The following DISC1 variants were observed in gnomAD, a reference collection of about 807,000 sequenced individuals.
DISC1 encodes the protein DISC1 scaffold protein.
In DISC1, 57 loss-of-function variants were observed where a neutral mutation model predicts 84.5. The ratio of observed to expected loss-of-function variants is 0.67; its 90% CI spans 0.55 to 0.84. The LOEUF (loss-of-function observed/expected upper bound fraction) is 0.84. DISC1 is among the 40% of genes least tolerant of loss of function. The pLI is 0.00. For missense variants in DISC1, 1,000 were observed against 1,057.8 expected (o/e 0.95, Z 0.76); for synonymous variants, 411 against 415.2 (o/e 0.99, Z 0.12).
intron 9 of DISC1, among the ~76,000 whole-genome samples, chr1:231,929,189 C>G (rs2090511874): frequency 6.6e-6 from 1 of 152,062 alleles, no homozygotes; most frequent in Non-Finnish European, 1.5e-5. Context: ...TGTGTGGGAG[C>G]CTAAGTCTCT....
chr1:231,661,141 G>A lies in DISC1; in HGVS notation c.68-32685G>A, dbSNP rs118005203. Among the ~76,000 whole-genome samples, 15 of 152,110 alleles carry A rather than the reference G, an allele frequency of 9.9e-5. No individual in the cohort carries two copies. In the East Asian group the frequency reaches 2.9e-3, roughly 29 times the overall value. On this transcript the variant is annotated intron_variant, in intron 1 of 12. Transcript: ENST00000439617. ...TTAGTCTGATTGGCTTCCCGTTGTAGGTGACCTGGCCTTTCTTTCTGGCTG... is the reference window on the plus strand; with the variant it reads ...TTAGTCTGATTGGCTTCCCGTTGTAAGTGACCTGGCCTTTCTTTCTGGCTG...
intron 6 of DISC1, chr1:231,771,679 T>C (rs1202559543): frequency 1.4e-6 from 1 of 701,742 alleles, no homozygotes; most frequent in African/African-American, 1.9e-5. Flanking sequence ...AGAAAACTGA[T>C]ATTTACACTC....
chr1:231,823,789 G>GA (rs1392189867), intron 9 of DISC1, among the ~76,000 whole-genome samples: 11 of 152,156 alleles, frequency 7.2e-5, no homozygotes, highest in African/African-American at 2.6e-4. Context: ...CTACCTCTAG[G>GA]AAAAAAACAT....
chr1:231,941,533 C>T (rs541469462), intron 9 of DISC1, among the ~76,000 whole-genome samples: 15 of 151,226 alleles, frequency 9.9e-5, no homozygotes, highest in South Asian at 4.2e-4. Flanking sequence ...AGTGCAGTGG[C>T]GCAATCTCAG....
chr1:231,646,129 A>T (rs2060112472), intron 1 of DISC1, among the ~76,000 whole-genome samples: 2 of 148,864 alleles, frequency 1.3e-5, no homozygotes, highest in East Asian at 2.0e-4. Flanking sequence ...CATTAGGTAT[A>T]TCTCCTAATG....
At chr1:231,709,376 C>T (rs1211180952) in intron 3 of DISC1, among the ~76,000 whole-genome samples, 1 of 152,060 alleles carries the variant, frequency 6.6e-6, no homozygotes, top group Non-Finnish European at 1.5e-5. Flanking sequence ...GCCTTTTCTC[C>T]TTGGCTTTGC....
Position 231,988,838 on chromosome 1 carries a change from C to T in DISC1, c.2043-19947C>T, listed in dbSNP as rs147909818. Among the ~76,000 whole-genome samples, 801 of 152,312 alleles carry T rather than the reference C, an allele frequency of 5.3e-3. 13 individuals carry two copies. Among genetic ancestry groups the T allele is most frequent in the African/African-American group, 0.018 (748 of 41,560 alleles). The stretch of plus-strand genomic sequence containing the variant: ...TATATAATTTCAATGGTGCAAGTTC[C>T]GTGGACTTCAATGACACTTCCATTC... On this transcript the variant is annotated intron_variant, in intron 10 of 12. Transcript: ENST00000439617.
chr1:231,833,385 G>A (rs1362356319), intron 9 of DISC1, among the ~76,000 whole-genome samples: 2 of 151,534 alleles, frequency 1.3e-5, no homozygotes, highest in South Asian at 2.1e-4. Context: ...GAAGGGGAAG[G>A]ACTTACCCTC....
chr1:231,888,419 G>A (rs201583700), intron 9 of DISC1, among the ~76,000 whole-genome samples: 8 of 152,028 alleles, frequency 5.3e-5, no homozygotes, highest in Non-Finnish European at 1.0e-4. Flanking sequence ...CCTGTCTCAT[G>A]AGAAGATGAT....
At chr1:231,914,317 C>G (rs2089464425) in intron 9 of DISC1, among the ~76,000 whole-genome samples, 1 of 152,198 alleles carries the variant, frequency 6.6e-6, no homozygotes, top group Non-Finnish European at 1.5e-5. Context: ...CCCTGGAAAC[C>G]CTGTCTGCAA....
intron 9 of DISC1, among the ~76,000 whole-genome samples, chr1:231,828,923 T>C (rs1204035516): frequency 2.0e-5 from 3 of 152,130 alleles, no homozygotes; most frequent in Admixed American, 6.5e-5. Flanking sequence ...TTTCTGTATA[T>C]GGGAAGTAAA....
chr1:231,900,855 C>T (rs1377990519), intron 9 of DISC1, among the ~76,000 whole-genome samples: 1 of 152,158 alleles, frequency 6.6e-6, no homozygotes, highest in Non-Finnish European at 1.5e-5. Flanking sequence ...AAAGCGTATA[C>T]ATTACAGGGT....
chr1:231,663,103 G>A (rs905635299), intron 1 of DISC1, among the ~76,000 whole-genome samples: 11 of 151,620 alleles, frequency 7.3e-5, no homozygotes, highest in African/African-American at 2.7e-4. Flanking sequence ...ACCCACTTTA[G>A]ATCTAAAGGT....
chr1:231,764,152 A>T (rs2075990724), intron 4 of DISC1, among the ~76,000 whole-genome samples: 1 of 152,172 alleles, frequency 6.6e-6, no homozygotes, highest in Non-Finnish European at 1.5e-5. Flanking sequence ...CCTTTTTAGG[A>T]TGCTGAGTTT....
chr1:231,883,969 C>T (rs2086479642), intron 9 of DISC1, among the ~76,000 whole-genome samples: 1 of 152,066 alleles, frequency 6.6e-6, no homozygotes, highest in Non-Finnish European at 1.5e-5. Context: ...AATGACATGC[C>T]TGGTGGTCTG....
chr1:231,948,675 A>G (rs557195896), intron 9 of DISC1, among the ~76,000 whole-genome samples: 142 of 152,034 alleles, frequency 9.3e-4, no homozygotes, highest in African/African-American at 3.2e-3. Flanking sequence ...CAAGAACACA[A>G]ACCAGAATTG....
At chr1:231,731,488 C>T (rs1357581544) in intron 3 of DISC1, among the ~76,000 whole-genome samples, 2 of 152,134 alleles carry the variant, frequency 1.3e-5, no homozygotes, top group Admixed American at 6.5e-5. Flanking sequence ...GTAAACATGG[C>T]ATGCTGGGCC....
intron 1 of DISC1, among the ~76,000 whole-genome samples, chr1:231,647,647 G>C (rs1185245261): frequency 6.6e-6 from 1 of 152,128 alleles, no homozygotes; most frequent in Non-Finnish European, 1.5e-5. Flanking sequence ...AATTACCTTG[G>C]GCAGTATGGC....
chr1:231,953,391 C>T (rs1434145790), intron 9 of DISC1, among the ~76,000 whole-genome samples: 1 of 152,168 alleles, frequency 6.6e-6, no homozygotes, highest in African/African-American at 2.4e-5. Context: ...TTATGCCATC[C>T]TACCTGCCAA....
Sources: gnomAD v4.1 joint callset for allele counts (sites outside exome capture counted in the v4.1 genomes callset) on GRCh38, gnomAD v4.1.1 for gene constraint, MANE v1.5 for transcripts, NCBI Gene and HGNC (gene_info 2026-07-23, HGNC 2026-07-21) for gene names.